The following NTM variants were observed in gnomAD, a reference collection of about 807,000 sequenced individuals.
NTM encodes the protein neurotrimin, also known as IgLON family member 2.
NTM carries 13 observed loss-of-function variants against 42.1 expected under a neutral mutation model. The observed-to-expected ratio is 0.31, with a 90% CI of 0.20 to 0.49. The LOEUF (loss-of-function observed/expected upper bound fraction) is 0.49. Ranked by LOEUF, NTM falls within the 20% of genes least tolerant of loss-of-function variation. NTM has a pLI of 0.99. For synonymous variants in NTM, 187 were observed against 179.2 expected (o/e 1.04, Z -0.35); for missense variants, 373 against 452.8 (o/e 0.82, Z 1.60).
At chr11:131,572,597 G>A (rs79152278) in intron 1 of NTM, among the ~76,000 whole-genome samples, 2,784 of 152,124 alleles carry the variant, frequency 0.018, 90 homozygotes, top group African/African-American at 0.063. Context: ...GACTGTGCGC[G>A]CATTGAAAGA....
intron 1 of NTM, among the ~76,000 whole-genome samples, chr11:131,736,298 A>G (rs79776762): frequency 0.028 from 4,330 of 152,262 alleles, 186 homozygotes; most frequent in African/African-American, 0.096. Context: ...GGAAGTAGTC[A>G]CAGCTCTCCT....
At position 131,911,631 on chromosome 11, in the gene NTM, G is replaced by T; in HGVS notation, c.150G>T (p.Gly50=). ...TGGACAACGTGACGGTCCGGCAGGG[G>T]GAGAGCGCCACCCTCAGGTAGGGAG... ...KAMDNVTVRQ[G]ESATLRCTID... is the part of the protein sequence containing the mutation. The change falls in exon 2 of 9, where the codon GGG becomes GGT. Residue 50 remains glycine, a synonymous_variant. Transcript: ENST00000683400. 4 of 1,614,160 alleles carry T rather than the reference G, an allele frequency of 2.5e-6. No individual in the cohort carries two copies. The highest frequency in any genetic ancestry group is 3.4e-6 in the Non-Finnish European group (4 of 1,179,998).
intron 7 of NTM, among the ~76,000 whole-genome samples, chr11:132,323,751 G>T (rs2095620654): frequency 6.6e-6 from 1 of 152,102 alleles, no homozygotes; most frequent in South Asian, 2.1e-4. Context: ...CAATATCCTT[G>T]ATGAACATTG....
chr11:132,027,882 C>G (rs1022597469), intron 2 of NTM, among the ~76,000 whole-genome samples: 1 of 152,116 alleles, frequency 6.6e-6, no homozygotes, highest in Non-Finnish European at 1.5e-5. Flanking sequence ...TATTACACTT[C>G]CTTTTGTAGT....
chr11:131,996,798 G>A (rs1187530895), intron 2 of NTM, among the ~76,000 whole-genome samples: 1 of 152,078 alleles, frequency 6.6e-6, no homozygotes, highest in South Asian at 2.1e-4. Context: ...GGCACACCTG[G>A]CTCCCTGGGA....
chr11:132,069,248 G>A (rs1157800165), intron 2 of NTM, among the ~76,000 whole-genome samples: 8 of 147,590 alleles, frequency 5.4e-5, no homozygotes, highest in South Asian at 2.2e-4. Context: ...AAGTTAACAC[G>A]TCACACTGAC....
At chr11:131,737,499 G>C (rs1021667418) in intron 1 of NTM, among the ~76,000 whole-genome samples, 4 of 152,202 alleles carry the variant, frequency 2.6e-5, no homozygotes, top group African/African-American at 9.6e-5. Flanking sequence ...GGTATAAACT[G>C]TGTTGATTTT....
intron 1 of NTM, among the ~76,000 whole-genome samples, chr11:131,393,762 C>T (rs919734455): frequency 1.3e-5 from 2 of 152,232 alleles, no homozygotes; most frequent in Non-Finnish European, 1.5e-5. Context: ...TCTCTAGTGG[C>T]ATGTGCCAGA....
chr11:131,717,274 T>G (rs1053434250), intron 1 of NTM, among the ~76,000 whole-genome samples: 49 of 152,348 alleles, frequency 3.2e-4, no homozygotes, highest in African/African-American at 1.1e-3. Flanking sequence ...ACTAAAAAAT[T>G]TCCTGGTTTT....
chr11:131,804,739 A>G (rs2092384086), intron 1 of NTM, among the ~76,000 whole-genome samples: 1 of 152,166 alleles, frequency 6.6e-6, no homozygotes, highest in South Asian at 2.1e-4. Context: ...GTTTCCTGCA[A>G]AATTCATGTG....
chr11:132,127,179 C>T (rs1044930443), intron 2 of NTM, among the ~76,000 whole-genome samples: 1 of 152,060 alleles, frequency 6.6e-6, no homozygotes, highest in Admixed American at 6.6e-5. Flanking sequence ...GTGAATGAGG[C>T]AGAAAAGGGA....
chr11:132,269,073 C>A (rs1184133092), intron 4 of NTM, among the ~76,000 whole-genome samples: 1 of 152,044 alleles, frequency 6.6e-6, no homozygotes, highest in Non-Finnish European at 1.5e-5. Flanking sequence ...TCCATGTGAC[C>A]ACTTTAATTA....
At chr11:131,884,376 T>C (rs2050032079) in intron 1 of NTM, among the ~76,000 whole-genome samples, 1 of 151,396 alleles carries the variant, frequency 6.6e-6, no homozygotes, top group African/African-American at 2.4e-5. Context: ...GCTATTGCAC[T>C]CCAGCCTGAG....
intron 1 of NTM, among the ~76,000 whole-genome samples, chr11:131,451,662 G>T (rs1950500015): frequency 2.0e-5 from 3 of 152,182 alleles, no homozygotes; most frequent in Admixed American, 1.3e-4. Context: ...TGAAGTCCAG[G>T]TGTTTGTGGA....
chr11:132,271,887 T>C (rs2093496607), intron 4 of NTM, among the ~76,000 whole-genome samples: 1 of 152,092 alleles, frequency 6.6e-6, no homozygotes, highest in Admixed American at 6.6e-5. Flanking sequence ...TTAAATTTTT[T>C]TGATGTTCAA....
intron 4 of NTM, among the ~76,000 whole-genome samples, chr11:132,246,403 C>A (rs2091170502): frequency 6.6e-6 from 1 of 152,194 alleles, no homozygotes; most frequent in Admixed American, 6.5e-5. Flanking sequence ...TGATTTTCCT[C>A]CTTTACAGGT....
At chr11:131,988,684 A>T (rs2066491073) in intron 2 of NTM, among the ~76,000 whole-genome samples, 2 of 152,174 alleles carry the variant, frequency 1.3e-5, no homozygotes, top group Admixed American at 1.3e-4. Context: ...AGAGAAATTG[A>T]TATGTGTGGT....
chr11:131,898,941 T>C (rs1365030012), intron 1 of NTM, among the ~76,000 whole-genome samples: 3 of 152,190 alleles, frequency 2.0e-5, no homozygotes, highest in African/African-American at 4.8e-5. Context: ...GCTGTCACCA[T>C]TCTCTTCCAC....
intron 1 of NTM, among the ~76,000 whole-genome samples, chr11:131,768,989 A>G (rs1053070783): frequency 6.6e-6 from 1 of 152,224 alleles, no homozygotes; most frequent in Non-Finnish European, 1.5e-5. Flanking sequence ...ATTATCAGAT[A>G]ATAGTAAACC....
Sources: allele counts gnomAD v4.1 joint callset (sites outside exome capture counted in the v4.1 genomes callset), GRCh38; gene constraint gnomAD v4.1.1; transcripts MANE v1.5; gene names NCBI Gene and HGNC (gene_info 2026-07-23, HGNC 2026-07-21).